CRISPLD1: variants seen among roughly 807,000 people sequenced by gnomAD.
The protein encoded by CRISPLD1 is cysteine rich secretory protein LCCL domain containing 1, also known as cysteine-rich secretory protein LCCL domain-containing 1.
A neutral mutation model predicts 77.5 loss-of-function variants in CRISPLD1; 60 were observed. The ratio of observed to expected loss-of-function variants is 0.77; its 90% CI spans 0.63 to 0.96. CRISPLD1 has a LOEUF of 0.96. CRISPLD1 is among the 40% of genes least tolerant of loss of function. The pLI is 0.00. For missense variants in CRISPLD1, 623 were observed against 615.8 expected (o/e 1.01, Z -0.12); for synonymous variants, 195 against 200.1 (o/e 0.97, Z 0.22).
intron 2 of CRISPLD1, among the ~76,000 whole-genome samples, chr8:75,004,617 G>A (rs138994655): frequency 3.3e-5 from 5 of 152,246 alleles, no homozygotes; most frequent in African/African-American, 4.8e-5. Flanking sequence ...CAGATTCTTG[G>A]ATTGTAGTTT....
intron 2 of CRISPLD1, among the ~76,000 whole-genome samples, chr8:74,995,388 G>A (rs1375620810): frequency 6.6e-6 from 1 of 152,222 alleles, no homozygotes; most frequent in African/African-American, 2.4e-5. Flanking sequence ...TGAAGTCATA[G>A]TGGTCCCAGA....
At chr8:75,002,791 T>G (rs946603805) in intron 2 of CRISPLD1, among the ~76,000 whole-genome samples, 12 of 152,080 alleles carry the variant, frequency 7.9e-5, no homozygotes, top group African/African-American at 2.9e-4. Context: ...GGTAACTCAG[T>G]ATGTGGAGCT....
chr8:75,032,110 C>CA (rs1813358448), intron 14 of CRISPLD1, 81 bp from the exon 15 acceptor site: 1 of 957,956 alleles, frequency 1.0e-6, no homozygotes, highest in Admixed American at 2.1e-5. Context: ...TCTTGACTGT[C>CA]ATAAGAAAGC....
Position 74,985,778 on chromosome 8 carries a change from T to A in CRISPLD1, c.-62-148T>A, listed in dbSNP as rs1281708413. On this transcript the variant is annotated intron_variant, in intron 1 of 14. Transcript: ENST00000262207. ...AGAAAAAAAATGGGTTGGAGATAAGTTATTTCAAAATGTGAGTGTCCATTT... is the reference window on the plus strand; with the variant it reads ...AGAAAAAAAATGGGTTGGAGATAAGATATTTCAAAATGTGAGTGTCCATTT... 6.4e-6 allele frequency: 4 copies of A among 625,966 alleles called. No individual in the cohort carries two copies. The East Asian group carries it at 1.0e-4, about 16-fold the overall frequency. The allele number at this position is 625,966 out of a possible 1,614,324, so 38.8% of individuals were successfully genotyped here. A position where few individuals can be genotyped will look rare whatever the true frequency, so the allele number is the denominator to read the frequency against.
chr8:75,022,656 T>C (rs2128787654), intron 12 of CRISPLD1, among the ~76,000 whole-genome samples: 1 of 151,982 alleles, frequency 6.6e-6, no homozygotes, highest in Middle Eastern at 3.4e-3. Flanking sequence ...ATATTATTTA[T>C]ATGACAGGTT....
At chr8:75,015,265 C>T (rs1429044639) in intron 6 of CRISPLD1, among the ~76,000 whole-genome samples, 1 of 152,042 alleles carries the variant, frequency 6.6e-6, no homozygotes, top group African/African-American at 2.4e-5. Context: ...AGCAATTTAA[C>T]ACAATTTATT....
At chr8:75,012,661 A>G (rs1402034379) in intron 3 of CRISPLD1, 110 bp downstream of exon 3, 1 of 859,114 alleles carries the variant, frequency 1.2e-6, no homozygotes, top group East Asian at 2.5e-5. Context: ...AAGAAAAGTA[A>G]TCACGAAACA....
At position 74,984,613 on chromosome 8, in the gene CRISPLD1, C is replaced by T. The variant is rs1354540132; in HGVS notation, c.-370C>T. On this transcript the variant is annotated 5_prime_UTR_variant, in exon 1 of 15. Coordinates refer to ENST00000262207, the MANE Select transcript of CRISPLD1 (RefSeq NM_031461.6). ...TCGTTCGTGTCCCCGCCCCTCGCTCCTGCAGCTACTGCTCAGAAACGCTGG... is the reference window on the plus strand; with the variant it reads ...TCGTTCGTGTCCCCGCCCCTCGCTCTTGCAGCTACTGCTCAGAAACGCTGG... 6.5e-6 allele frequency: 1 copy of T among 152,852 alleles called. No homozygotes were observed. Among genetic ancestry groups the T allele is most frequent in the African/African-American group, 2.4e-5 (1 of 41,490 alleles). 9.5% of individuals were successfully genotyped at this position (152,852 alleles called of 1,614,324 possible). A position where few individuals can be genotyped will look rare whatever the true frequency, so the allele number is the denominator to read the frequency against.
At chr8:74,987,671 T>G (rs1290953956) in intron 2 of CRISPLD1, among the ~76,000 whole-genome samples, 1 of 152,198 alleles carries the variant, frequency 6.6e-6, no homozygotes, top group Non-Finnish European at 1.5e-5. Flanking sequence ...AAGTGAAAAA[T>G]TCTATGACTT....
intron 13 of CRISPLD1, among the ~76,000 whole-genome samples, chr8:75,027,492 C>T (rs1813254236): frequency 6.6e-6 from 1 of 152,138 alleles, no homozygotes. Context: ...TCTTTAAAGT[C>T]ATCTATTTGC....
chr8:75,011,028 T>C (rs1812919906), intron 2 of CRISPLD1, among the ~76,000 whole-genome samples: 1 of 151,992 alleles, frequency 6.6e-6, no homozygotes, highest in Admixed American at 6.6e-5. Context: ...TTCTTCCAAT[T>C]TAGTAGTATC....
At chr8:74,985,304 A>C (rs1812478352) in intron 1 of CRISPLD1, among the ~76,000 whole-genome samples, 1 of 152,144 alleles carries the variant, frequency 6.6e-6, no homozygotes, top group Non-Finnish European at 1.5e-5. Context: ...CCTGAGCCTG[A>C]ATAGGAAGAG....
At position 75,031,567 on chromosome 8, in the gene CRISPLD1, CTGTGTGTG is replaced by C. The variant is rs755567610; in HGVS notation, c.1452-602_1452-595del. 7.6e-5 allele frequency among the ~76,000 whole-genome samples: 5 copies of C among 65,674 alleles called. No homozygotes were observed. In the East Asian group the frequency reaches 1.9e-3, roughly 25 times the overall value. 43.1% of individuals were successfully genotyped at this position (65,674 alleles called of 152,430 possible). ...TACTTTCAAAATGAGATTGAATGCT[CTGTGTGTG>C]TGTGTGTGTGTGTGTGTGTGTATTT... On this transcript the variant is annotated intron_variant, in intron 14 of 14. Coordinates refer to ENST00000262207, the MANE Select transcript of CRISPLD1 (RefSeq NM_031461.6).
intron 2 of CRISPLD1, among the ~76,000 whole-genome samples, chr8:74,996,709 C>CTTTTTTTTT (rs1178454369): frequency 1.4e-5 from 1 of 73,348 alleles, no homozygotes; most frequent in Non-Finnish European, 2.5e-5. Context: ...GAGCCAGAAT[C>CTTTTTTTTT]TTTTTTTTTT....
At chr8:74,990,755 ACTTT>A (rs1207982483) in intron 2 of CRISPLD1, among the ~76,000 whole-genome samples, 1 of 149,020 alleles carries the variant, frequency 6.7e-6, no homozygotes, top group Non-Finnish European at 1.5e-5. Flanking sequence ...TCTTCTCAGT[ACTTT>A]CTAAGAAACA....
chr8:75,007,660 C>T (rs1460548446), intron 2 of CRISPLD1, among the ~76,000 whole-genome samples: 1 of 109,840 alleles, frequency 9.1e-6, no homozygotes, highest in Non-Finnish European at 1.8e-5. Context: ...CGTGAACCAT[C>T]GACTTTTTTT....
At position 75,014,064 on chromosome 8, in the gene CRISPLD1, G is replaced by C; in HGVS notation, c.588G>C (p.Trp196Cys). 1 of 1,612,962 alleles carries C rather than the reference G, an allele frequency of 6.2e-7. No homozygotes were observed. The highest frequency in any genetic ancestry group is 1.1e-5 in the South Asian group (1 of 91,048). ...CHNMNIWGQI[W>C]PKAVYLVCNY... ...ACATGAACATCTGGGGGCAGATATG[G>C]CCCAAAGCTGTCTACCTGGTGTGCA... Residue 196 changes from tryptophan (W) to cysteine (C), a missense_variant, in exon 5 of 15, where the codon TGG becomes TGC. Coordinates refer to ENST00000262207, the MANE Select transcript of CRISPLD1 (RefSeq NM_031461.6).
At position 75,033,827 on chromosome 8, in the gene CRISPLD1, A is replaced by C. The variant is rs1245381325; in HGVS notation, c.*1585A>C. 8.8e-6 allele frequency: 1 copy of C among 113,872 alleles called. No homozygotes were observed. Among genetic ancestry groups the C allele is most frequent in the Non-Finnish European group, 1.9e-5 (1 of 53,286 alleles). 7.1% of individuals were successfully genotyped at this position (113,872 alleles called of 1,614,324 possible). ...GGTTCCAAATACTGGTAATTAAAAC[A>C]ATGATGTATACGTTAAAGATTGCAA... is the stretch of plus-strand genomic sequence containing the variant. On this transcript the variant is annotated 3_prime_UTR_variant, in exon 15 of 15. Transcript: ENST00000262207.
At chr8:75,030,288 A>G (rs969522217) in intron 14 of CRISPLD1, among the ~76,000 whole-genome samples, 15 of 152,060 alleles carry the variant, frequency 9.9e-5, no homozygotes, top group South Asian at 2.1e-4. Flanking sequence ...CTTCAACATA[A>G]CCATCTGGGT....
Sources: allele counts gnomAD v4.1 joint callset (sites outside exome capture counted in the v4.1 genomes callset), GRCh38; gene constraint gnomAD v4.1.1; transcripts MANE v1.5; gene names NCBI Gene and HGNC (gene_info 2026-07-23, HGNC 2026-07-21).